The following DCPH1 variants were observed in gnomAD, a reference collection of about 807,000 sequenced individuals.
DCPH1 encodes damage control phosphatase 1.
chr6:151,461,502 C>CTCTA, the DCPH1 span, among the ~76,000 whole-genome samples: 1 of 152,126 alleles, frequency 6.6e-6, no homozygotes, highest in Admixed American at 6.5e-5. Context: ...GAAACCCTGT[C>CTCTA]TCTACTAAAA....
the DCPH1 span, among the ~76,000 whole-genome samples, chr6:151,456,796 G>C: frequency 6.6e-6 from 1 of 152,144 alleles, no homozygotes; most frequent in Non-Finnish European, 1.5e-5. Context: ...CATTACAGGC[G>C]TGAGCCACTG....
At chr6:151,466,855 TGA>T in the DCPH1 span, among the ~76,000 whole-genome samples, 8 of 152,244 alleles carry the variant, frequency 5.3e-5, no homozygotes, top group Non-Finnish European at 1.2e-4. Flanking sequence ...CACCATTGTA[TGA>T]ATTTCTTCAG....
chr6:151,454,547 G>C, the DCPH1 span: 1 of 1,384,266 alleles, frequency 7.2e-7, no homozygotes, highest in Non-Finnish European at 1.0e-6. Flanking sequence ...CTCTTTTCTA[G>C]ATCATTTGCA....
the DCPH1 span, chr6:151,458,676 T>C: frequency 2.0e-6 from 2 of 978,790 alleles, no homozygotes; most frequent in Admixed American, 2.7e-5. Flanking sequence ...AGCTTGAATT[T>C]GGTTGAGTTT....
At chr6:151,462,066 C>T in the DCPH1 span, among the ~76,000 whole-genome samples, 5 of 152,166 alleles carry the variant, frequency 3.3e-5, no homozygotes, top group African/African-American at 1.2e-4. Flanking sequence ...TACCATTTTA[C>T]ACTGAAACAT....
the DCPH1 span, among the ~76,000 whole-genome samples, chr6:151,467,658 C>T: frequency 6.6e-6 from 1 of 151,992 alleles, no homozygotes; most frequent in African/African-American, 2.4e-5. Context: ...TGAGTTTGAA[C>T]CCAGGTCGAG....
At chr6:151,462,720 T>A in the DCPH1 span, among the ~76,000 whole-genome samples, 34 of 152,328 alleles carry the variant, frequency 2.2e-4, no homozygotes, top group East Asian at 1.7e-3. Context: ...TGGGTCATAG[T>A]GTGTGTACAT....
chr6:151,463,587 ACTGG>A, the DCPH1 span, among the ~76,000 whole-genome samples: 1 of 152,180 alleles, frequency 6.6e-6, no homozygotes, highest in African/African-American at 2.4e-5. Flanking sequence ...GAGGTGACTG[ACTGG>A]CTGGAAGGAG....
chr6:151,452,905 G>C, the DCPH1 span: 1 of 285,972 alleles, frequency 3.5e-6, no homozygotes, highest in East Asian at 6.6e-5. Flanking sequence ...TTCTGCGTAA[G>C]AGTTGGGGAT....
At chr6:151,464,867 C>G in the DCPH1 span, among the ~76,000 whole-genome samples, 1 of 152,092 alleles carries the variant, frequency 6.6e-6, no homozygotes, top group Non-Finnish European at 1.5e-5. Context: ...TGAGAGAATA[C>G]TTCATAGTAA....
chr6:151,452,864 C>CT, the DCPH1 span: 1 of 368,534 alleles, frequency 2.7e-6, no homozygotes, highest in African/African-American at 2.1e-5. Context: ...TATTTATTCA[C>CT]TTTAATAGAC....
chr6:151,468,975 CTG>C, the DCPH1 span: 4 of 1,614,256 alleles, frequency 2.5e-6, no homozygotes, highest in Non-Finnish European at 3.4e-6. Flanking sequence ...CTGCACCACT[CTG>C]TACCATAAGA....
At chr6:151,457,767 T>A in the DCPH1 span, among the ~76,000 whole-genome samples, 1 of 152,150 alleles carries the variant, frequency 6.6e-6, no homozygotes, top group Non-Finnish European at 1.5e-5. Flanking sequence ...TCTTTTTTTT[T>A]AATGGAGCAG....
chr6:151,455,535 A>T, the DCPH1 span, among the ~76,000 whole-genome samples: 3 of 152,240 alleles, frequency 2.0e-5, no homozygotes, highest in Non-Finnish European at 2.9e-5. Context: ...ATATGCATAC[A>T]CATAAACATC....
chr6:151,464,125 A>C, the DCPH1 span, among the ~76,000 whole-genome samples: 1 of 152,322 alleles, frequency 6.6e-6, no homozygotes, highest in African/African-American at 2.4e-5. Context: ...TGTTGAACTA[A>C]AGCAGTTGTC....
At chr6:151,459,685 G>A in the DCPH1 span, among the ~76,000 whole-genome samples, 3 of 152,110 alleles carry the variant, frequency 2.0e-5, no homozygotes, top group African/African-American at 7.2e-5. Context: ...CAGCTACCCC[G>A]GAGGCTGAGG....
the DCPH1 span, chr6:151,469,362 T>C: frequency 2.7e-6 from 1 of 370,180 alleles, no homozygotes. Flanking sequence ...CAACTTTTTT[T>C]CAGGTTAAAT....
chr6:151,458,313 CTTGTATTTTTGCAGGA>C, the DCPH1 span: 2 of 1,605,014 alleles, frequency 1.2e-6, no homozygotes, highest in Admixed American at 3.4e-5. Flanking sequence ...ATTTATTTTT[CTTGTATTTTTGCAGGA>C]AGGCGTGGAA....
the DCPH1 span, chr6:151,468,319 T>C: frequency 8.7e-6 from 13 of 1,496,682 alleles, no homozygotes; most frequent in Non-Finnish European, 1.2e-5. Context: ...GAAGGGTGAA[T>C]ATTTTGTACT....
Sources: gnomAD v4.1 joint callset for allele counts (sites outside exome capture counted in the v4.1 genomes callset) on GRCh38, gnomAD v4.1.1 for gene constraint, MANE v1.5 for transcripts, NCBI Gene and HGNC (gene_info 2026-07-23, HGNC 2026-07-21) for gene names.